The following GRXCR1 variants were observed in gnomAD, a reference collection of about 807,000 sequenced individuals.
GRXCR1 encodes the protein glutaredoxin and cysteine rich domain containing 1, also known as glutaredoxin domain-containing cysteine-rich protein 1.
Under a neutral mutation model 27.3 loss-of-function variants are expected in GRXCR1, and 27 were observed. The observed-to-expected ratio is 0.99, with a 90% confidence interval of 0.73 to 1.37. GRXCR1 has a LOEUF of 1.37. GRXCR1 is among the 40% of genes most tolerant of loss of function. GRXCR1 has a pLI of 0.00. For synonymous variants in GRXCR1, 122 were observed against 131.1 expected, an observed-to-expected ratio of 0.93 and a Z score of 0.47; for missense variants, 379 against 354.4, an observed-to-expected ratio of 1.07 and a Z score of -0.56.
At chr4:43,020,291 G>T in intron 2 of GRXCR1, 63 bp from the exon 3 acceptor site, 1 of 1,063,624 alleles carries the variant, frequency 9.4e-7, no homozygotes, top group South Asian at 1.3e-5. Context: ...TTCCTTGTTA[G>T]AACTTTATTT....
intron 1 of GRXCR1, among the ~76,000 whole-genome samples, chr4:42,952,517 C>T (rs993188550): frequency 6.6e-6 from 1 of 152,138 alleles, no homozygotes; most frequent in Non-Finnish European, 1.5e-5. Context: ...CTTCTCCCAC[C>T]TTGACTACTG....
At chr4:42,938,542 T>C (rs1747512354) in intron 1 of GRXCR1, among the ~76,000 whole-genome samples, 1 of 152,014 alleles carries the variant, frequency 6.6e-6, no homozygotes, top group South Asian at 2.1e-4. Context: ...GTACTCATGG[T>C]TCCCTCTGCT....
At chr4:43,012,694 A>G (rs1205273914) in intron 2 of GRXCR1, among the ~76,000 whole-genome samples, 1 of 152,204 alleles carries the variant, frequency 6.6e-6, no homozygotes, top group Non-Finnish European at 1.5e-5. Flanking sequence ...TACAAATGAG[A>G]AAATTGAGTC....
intron 2 of GRXCR1, among the ~76,000 whole-genome samples, chr4:42,998,576 T>A (rs1227904253): frequency 2.6e-5 from 4 of 152,088 alleles, no homozygotes; most frequent in Non-Finnish European, 5.9e-5. Context: ...AGGAAAAAAA[T>A]GTCTGTTTGT....
chr4:42,950,017 A>G (rs1747844971), intron 1 of GRXCR1, among the ~76,000 whole-genome samples: 2 of 152,242 alleles, frequency 1.3e-5, no homozygotes, highest in Non-Finnish European at 2.9e-5. Flanking sequence ...ATCCAAATGC[A>G]CAGAAAGGGA....
chr4:42,951,805 C>T (rs952729364), intron 1 of GRXCR1, among the ~76,000 whole-genome samples: 19 of 152,270 alleles, frequency 1.2e-4, no homozygotes, highest in African/African-American at 4.6e-4. Flanking sequence ...TTAATAATCT[C>T]CATCCTGACT....
intron 1 of GRXCR1, among the ~76,000 whole-genome samples, chr4:42,898,595 T>G (rs755808901): frequency 2.0e-4 from 30 of 152,208 alleles, no homozygotes; most frequent in African/African-American, 7.0e-4. Flanking sequence ...TTTGGACCAC[T>G]CTGGGAAAAT....
chr4:43,024,864 A>G (rs1192329925), intron 3 of GRXCR1, among the ~76,000 whole-genome samples: 1 of 152,156 alleles, frequency 6.6e-6, no homozygotes, highest in Non-Finnish European at 1.5e-5. Flanking sequence ...GTACTCTGAC[A>G]ATTTGTTTTA....
At chr4:43,016,120 A>G (rs531019714) in intron 2 of GRXCR1, among the ~76,000 whole-genome samples, 5 of 152,188 alleles carry the variant, frequency 3.3e-5, no homozygotes, top group African/African-American at 4.8e-5. Context: ...GATTTATATC[A>G]CTTTATTGTT....
intron 2 of GRXCR1, among the ~76,000 whole-genome samples, chr4:42,984,347 A>C (rs1278958049): frequency 6.6e-6 from 1 of 152,122 alleles, no homozygotes; most frequent in African/African-American, 2.4e-5. Flanking sequence ...ATTCCTTAAA[A>C]CAGTTATTTT....
At chr4:42,894,399 T>C (rs980802658) in intron 1 of GRXCR1, among the ~76,000 whole-genome samples, 1 of 152,160 alleles carries the variant, frequency 6.6e-6, no homozygotes, top group Non-Finnish European at 1.5e-5. Context: ...GTAAAGTGAT[T>C]TGTTTTTTTG....
intron 1 of GRXCR1, among the ~76,000 whole-genome samples, chr4:42,958,839 C>A (rs1748067707): frequency 6.6e-6 from 1 of 151,792 alleles, no homozygotes; most frequent in Non-Finnish European, 1.5e-5. Context: ...AATATGGAAA[C>A]CACAATGGGA....
intron 1 of GRXCR1, among the ~76,000 whole-genome samples, chr4:42,950,554 T>C (rs932173878): frequency 6.6e-6 from 1 of 152,166 alleles, no homozygotes; most frequent in Non-Finnish European, 1.5e-5. Flanking sequence ...CATTTTTGTT[T>C]AGTAGGAATG....
chr4:43,006,357 A>G (rs1447266820), intron 2 of GRXCR1, among the ~76,000 whole-genome samples: 2 of 152,214 alleles, frequency 1.3e-5, no homozygotes, highest in Non-Finnish European at 2.9e-5. Context: ...GAACAGAGCC[A>G]TATTTCTCTT....
chr4:42,976,729 A>G (rs892122678), intron 2 of GRXCR1, among the ~76,000 whole-genome samples: 1 of 152,024 alleles, frequency 6.6e-6, no homozygotes, highest in Non-Finnish European at 1.5e-5. Context: ...CATGTACAAC[A>G]TGATGTTTTG....
intron 1 of GRXCR1, among the ~76,000 whole-genome samples, chr4:42,930,288 C>G (rs1005636341): frequency 3.3e-5 from 5 of 151,982 alleles, no homozygotes; most frequent in Non-Finnish European, 7.4e-5. Context: ...TGGCTGTTCT[C>G]CATCATGAGG....
chr4:43,023,815 A>AGAT (rs1713169271), intron 3 of GRXCR1, among the ~76,000 whole-genome samples: 1 of 152,216 alleles, frequency 6.6e-6, no homozygotes, highest in Admixed American at 6.5e-5. Flanking sequence ...AGCATTCAAG[A>AGAT]GATGAAAAGA....
chr4:42,909,306 G>A (rs1042897288), intron 1 of GRXCR1, among the ~76,000 whole-genome samples: 3 of 152,078 alleles, frequency 2.0e-5, no homozygotes, highest in Admixed American at 6.6e-5. Context: ...GGCCTTGGTG[G>A]CAGTTTTATA....
intron 2 of GRXCR1, among the ~76,000 whole-genome samples, chr4:42,963,425 G>A (rs549277823): frequency 2.5e-4 from 38 of 152,022 alleles, no homozygotes; most frequent in African/African-American, 8.4e-4. Flanking sequence ...AGCTTGGCAT[G>A]TGGGATAAAG....
Sources: gnomAD v4.1 joint callset for allele counts (sites outside exome capture counted in the v4.1 genomes callset) on GRCh38, gnomAD v4.1.1 for gene constraint, MANE v1.5 for transcripts, NCBI Gene and HGNC (gene_info 2026-07-23, HGNC 2026-07-21) for gene names.